Variants in OR1F1 observed in about 807,000 individuals in gnomAD.
OR1F1 encodes olfactory receptor 1F1.
For synonymous variants in OR1F1, 184 were observed against 156.7 expected, an observed-to-expected ratio of 1.17 and a Z score of -1.30; for missense variants, 493 against 376.3, an observed-to-expected ratio of 1.31 and a Z score of -2.57.
the OR1F1 span, among the ~76,000 whole-genome samples, chr16:3,191,563 C>G: frequency 2.6e-5 from 4 of 152,022 alleles, no homozygotes; most frequent in African/African-American, 9.7e-5. Flanking sequence ...GTTCGAGCCC[C>G]ACGTTGGGCG....
chr16:3,195,672 A>G, the OR1F1 span, among the ~76,000 whole-genome samples: 3 of 128,690 alleles, frequency 2.3e-5, no homozygotes, highest in African/African-American at 9.7e-5. Context: ...GACAGAGTGG[A>G]ACTCAAAAAA....
the OR1F1 span, among the ~76,000 whole-genome samples, chr16:3,196,505 T>C: frequency 7.9e-5 from 12 of 151,578 alleles, no homozygotes; most frequent in African/African-American, 2.9e-4. Flanking sequence ...CACCTCAGCC[T>C]CCTAAGTAGC....
chr16:3,189,852 CTCT>C, the OR1F1 span: 1 of 152,208 alleles, frequency 6.6e-6, no homozygotes, highest in Admixed American at 6.5e-5. Context: ...ATCCCACTAC[CTCT>C]TCTTAAAATT....
At chr16:3,205,913 GAAT>G (rs1958203169), downstream of OR1F1, among the ~76,000 whole-genome samples, 1 of 152,162 alleles carries the variant, frequency 6.6e-6, no homozygotes, top group Admixed American at 6.5e-5. Flanking sequence ...AAAAAGAACA[GAAT>G]AACAGTGATT....
chr16:3,193,416 T>C, the OR1F1 span, among the ~76,000 whole-genome samples: 2 of 152,178 alleles, frequency 1.3e-5, no homozygotes, highest in African/African-American at 2.4e-5. Flanking sequence ...TTCTGGAGGA[T>C]CAGACGAGTC....
chr16:3,193,336 C>T, the OR1F1 span, among the ~76,000 whole-genome samples: 1 of 152,242 alleles, frequency 6.6e-6, no homozygotes, highest in Non-Finnish European at 1.5e-5. Flanking sequence ...CCGACGCACC[C>T]AGCCCGAGAC....
the OR1F1 span, among the ~76,000 whole-genome samples, chr16:3,194,334 C>T: frequency 6.6e-6 from 1 of 152,334 alleles, no homozygotes; most frequent in East Asian, 1.9e-4. Flanking sequence ...TGTATACACA[C>T]CTCTTTGGCC....
At chr16:3,193,267 T>C in the OR1F1 span, among the ~76,000 whole-genome samples, 735 of 152,304 alleles carry the variant, frequency 4.8e-3, 6 homozygotes, top group African/African-American at 0.016. Flanking sequence ...CAGGAGGACC[T>C]GACCTTTATT....
chr16:3,195,932 A>C, the OR1F1 span, among the ~76,000 whole-genome samples: 1 of 152,182 alleles, frequency 6.6e-6, no homozygotes, highest in Admixed American at 6.5e-5. Context: ...CAGCCCCACC[A>C]GGTGGGTTTG....
At chr16:3,189,386 A>C in the OR1F1 span, among the ~76,000 whole-genome samples, 1 of 152,126 alleles carries the variant, frequency 6.6e-6, no homozygotes, top group Admixed American at 6.5e-5. Context: ...CTCAAGGCCG[A>C]GTGGCGGTGG....
chr16:3,195,158 G>T, the OR1F1 span, among the ~76,000 whole-genome samples: 1 of 152,148 alleles, frequency 6.6e-6, no homozygotes, highest in Non-Finnish European at 1.5e-5. Flanking sequence ...CCCAATCTCA[G>T]ACCCTGCGCC....
the OR1F1 span, among the ~76,000 whole-genome samples, chr16:3,190,506 T>C: frequency 6.6e-6 from 1 of 152,086 alleles, no homozygotes; most frequent in African/African-American, 2.4e-5. Flanking sequence ...ATCCCAGCAC[T>C]TTGGGAGGCT....
At chr16:3,203,285 CA>C (rs1567206362), upstream of OR1F1, among the ~76,000 whole-genome samples, 2 of 152,310 alleles carry the variant, frequency 1.3e-5, no homozygotes, top group East Asian at 1.9e-4. Flanking sequence ...GTGATTCTTC[CA>C]AACATCCTTC....
the OR1F1 span, among the ~76,000 whole-genome samples, chr16:3,190,435 G>T: frequency 5.5e-3 from 769 of 139,060 alleles, 12 homozygotes; most frequent in African/African-American, 0.018. Context: ...AAGAATCAAA[G>T]AAATTTACAA....
the OR1F1 span, among the ~76,000 whole-genome samples, chr16:3,196,248 C>A: frequency 5.3e-5 from 8 of 152,200 alleles, no homozygotes; most frequent in Non-Finnish European, 1.5e-5. Context: ...TCCTTTGCAG[C>A]CCTAGGCTGC....
upstream of OR1F1, among the ~76,000 whole-genome samples, chr16:3,202,369 C>T (rs1311212650): frequency 6.6e-6 from 1 of 152,140 alleles, no homozygotes; most frequent in East Asian, 1.9e-4. Flanking sequence ...GCCTGAAACA[C>T]AAAGGCTTTG....
chr16:3,194,263 G>C, the OR1F1 span, among the ~76,000 whole-genome samples: 12 of 152,098 alleles, frequency 7.9e-5, no homozygotes, highest in African/African-American at 2.9e-4. Flanking sequence ...TTGGAGGCTG[G>C]TTTTCTGTTT....
At chr16:3,190,624 G>T in the OR1F1 span, among the ~76,000 whole-genome samples, 3 of 151,956 alleles carry the variant, frequency 2.0e-5, no homozygotes, top group Non-Finnish European at 4.4e-5. Flanking sequence ...GGTGGCGGGC[G>T]CCTGTAATCC....
the OR1F1 span, among the ~76,000 whole-genome samples, chr16:3,196,818 C>T: frequency 4.5e-4 from 69 of 151,874 alleles, no homozygotes; most frequent in African/African-American, 1.6e-3. Context: ...ACCTCAGCCT[C>T]CCAAGTAGCT....
Sources: gnomAD v4.1 joint callset for allele counts (sites outside exome capture counted in the v4.1 genomes callset) on GRCh38, gnomAD v4.1.1 for gene constraint, MANE v1.5 for transcripts, NCBI Gene and HGNC (gene_info 2026-07-23, HGNC 2026-07-21) for gene names.